The following CNBD1 variants were observed in gnomAD, a reference collection of about 807,000 sequenced individuals.
CNBD1 encodes the protein cyclic nucleotide binding domain containing 1, also known as cyclic nucleotide-binding domain-containing protein 1.
CNBD1 carries 71 observed loss-of-function variants against 54.4 expected under a neutral mutation model. The ratio of observed to expected loss-of-function variants is 1.30; its 90% confidence interval spans 1.08 to 1.59. CNBD1 has a LOEUF of 1.59. Among genes scored for constraint, CNBD1 ranks in the 40% most tolerant of loss-of-function variants. CNBD1 has a pLI of 0.00. For synonymous variants in CNBD1, 182 were observed against 170.7 expected (o/e 1.07, Z -0.51); for missense variants, 659 against 518.0 (o/e 1.27, Z -2.64).
intron 3 of CNBD1, among the ~76,000 whole-genome samples, chr8:86,914,980 A>G (rs1413330527): frequency 1.3e-5 from 2 of 152,218 alleles, no homozygotes; most frequent in Non-Finnish European, 2.9e-5. Flanking sequence ...TTATCAAGGC[A>G]GGGAAATTGC....
At chr8:87,316,994 G>C (rs1215628330) in intron 8 of CNBD1, among the ~76,000 whole-genome samples, 1 of 151,744 alleles carries the variant, frequency 6.6e-6, no homozygotes, top group Non-Finnish European at 1.5e-5. Context: ...TGAGGCCTTA[G>C]ATGAATTACA....
chr8:87,219,443 C>A (rs1268614073), intron 5 of CNBD1, among the ~76,000 whole-genome samples: 1 of 151,880 alleles, frequency 6.6e-6, no homozygotes, highest in Non-Finnish European at 1.5e-5. Flanking sequence ...TACTTAAATA[C>A]CCTTCAAGAC....
At chr8:87,345,862 GAAGTT>G (rs1280642413) in intron 8 of CNBD1, among the ~76,000 whole-genome samples, 2 of 151,936 alleles carry the variant, frequency 1.3e-5, no homozygotes, top group South Asian at 4.1e-4. Context: ...AAAATAAAAA[GAAGTT>G]AAGGAGTATT....
Position 87,237,016 on chromosome 8 carries a change from C to G in CNBD1, c.675C>G (p.Asp225Glu). 6.2e-7 allele frequency: 1 copy of G among 1,611,894 alleles called. No individual in the cohort carries two copies. The highest frequency in any genetic ancestry group is 8.5e-7 in the Non-Finnish European group (1 of 1,178,334). ...TGATTGAAGGAAGTGATTCACCAGACTCGTTCATATCTCAGAGTTTCCACA... is the reference window on the plus strand; with the variant it reads ...TGATTGAAGGAAGTGATTCACCAGAGTCGTTCATATCTCAGAGTTTCCACA... ...KNLIEGSDSP[D>E]SFISQSFHSF... Residue 225 changes from aspartate (D) to glutamate (E), a missense_variant, in exon 6 of 11, where the codon GAC becomes GAG. Coordinates refer to ENST00000518476, the MANE Select transcript of CNBD1 (RefSeq NM_173538.3).
intron 4 of CNBD1, among the ~76,000 whole-genome samples, chr8:87,072,450 T>G (rs144710365): frequency 3.9e-5 from 6 of 152,336 alleles, no homozygotes; most frequent in Admixed American, 1.3e-4. Flanking sequence ...GATAACAGTT[T>G]TTCCTTTCCA....
intron 4 of CNBD1, among the ~76,000 whole-genome samples, chr8:87,201,769 A>G (rs1215015159): frequency 6.6e-6 from 1 of 152,098 alleles, no homozygotes; most frequent in Non-Finnish European, 1.5e-5. Context: ...AAAAAAAATT[A>G]TTTATTTTTT....
chr8:86,972,100 C>T (rs914028443), intron 4 of CNBD1, among the ~76,000 whole-genome samples: 8 of 151,862 alleles, frequency 5.3e-5, no homozygotes, highest in South Asian at 2.1e-4. Context: ...TACAGGTGCC[C>T]GCCACCATGC....
intron 2 of CNBD1, among the ~76,000 whole-genome samples, chr8:87,415,675 C>A (rs1022739049): frequency 1.3e-5 from 2 of 151,850 alleles, no homozygotes; most frequent in Admixed American, 6.6e-5. Context: ...TTCAAGACAG[C>A]ATTAATGAGC....
chr8:87,118,378 G>A (rs1811821002), intron 4 of CNBD1, among the ~76,000 whole-genome samples: 1 of 150,752 alleles, frequency 6.6e-6, no homozygotes, highest in African/African-American at 2.4e-5. Flanking sequence ...CGCTGGTATT[G>A]TAGGTGGAGG....
chr8:87,393,786 C>T (rs1281525373), intron 2 of CNBD1, among the ~76,000 whole-genome samples: 1 of 151,820 alleles, frequency 6.6e-6, no homozygotes, highest in Admixed American at 6.6e-5. Flanking sequence ...TGAAATGAGA[C>T]TTCTTCTAGG....
chr8:87,302,258 A>G (rs1297636850), intron 8 of CNBD1, among the ~76,000 whole-genome samples: 1 of 152,202 alleles, frequency 6.6e-6, no homozygotes, highest in Non-Finnish European at 1.5e-5. Flanking sequence ...TGGCAAACTG[A>G]ATCCAGCAGC....
chr8:87,380,518 A>G (rs751434386), intron 10 of CNBD1, among the ~76,000 whole-genome samples: 1 of 151,932 alleles, frequency 6.6e-6, no homozygotes, highest in African/African-American at 2.4e-5. Context: ...ATGGTTCCAT[A>G]TGAAATAAAA....
intron 3 of CNBD1, among the ~76,000 whole-genome samples, chr8:86,922,326 A>G (rs958829933): frequency 6.6e-6 from 1 of 152,092 alleles, no homozygotes; most frequent in African/African-American, 2.4e-5. Flanking sequence ...GAAGAAAGGA[A>G]GAGAAAGAGA....
chr8:87,060,617 C>T (rs528985166), intron 4 of CNBD1, among the ~76,000 whole-genome samples: 1 of 152,100 alleles, frequency 6.6e-6, no homozygotes, highest in African/African-American at 2.4e-5. Flanking sequence ...CACAGGAAAG[C>T]TAAAATAAAG....
At chr8:87,207,097 G>A (rs1198997441) in intron 5 of CNBD1, among the ~76,000 whole-genome samples, 1 of 151,982 alleles carries the variant, frequency 6.6e-6, no homozygotes, top group Non-Finnish European at 1.5e-5. Context: ...ATCAAGCAAT[G>A]AAAAATAAAT....
chr8:87,407,188 C>T (rs1807666279), intron 2 of CNBD1, among the ~76,000 whole-genome samples: 1 of 152,038 alleles, frequency 6.6e-6, no homozygotes, highest in African/African-American at 2.4e-5. Context: ...TCTGTATCTT[C>T]AAAGTTAATC....
chr8:87,234,500 GA>G (rs1210407888), intron 5 of CNBD1, among the ~76,000 whole-genome samples: 1 of 152,206 alleles, frequency 6.6e-6, no homozygotes, highest in Admixed American at 6.5e-5. Flanking sequence ...AATTCCGTCA[GA>G]GTTCTTGGGT....
At position 87,332,245 on chromosome 8, in the gene CNBD1, G is replaced by A. The variant is rs184703014; in HGVS notation, c.1043-19440G>A. On this transcript the variant is annotated intron_variant, in intron 8 of 10. Transcript: ENST00000518476. ...CACCTGTAATTCCAGTTATTCTGGA[G>A]GCTGAGTCAGGAGAATCGCTTGAAC... Among the ~76,000 whole-genome samples, 480 of 152,218 alleles carry A rather than the reference G, an allele frequency of 3.2e-3. 2 individuals carry two copies. Among genetic ancestry groups the A allele is most frequent in the African/African-American group, 0.011 (453 of 41,524 alleles).
chr8:87,239,079 G>C (rs1389104715), intron 6 of CNBD1, among the ~76,000 whole-genome samples: 1 of 152,112 alleles, frequency 6.6e-6, no homozygotes, highest in Non-Finnish European at 1.5e-5. Flanking sequence ...TGATGGATTT[G>C]TATTGCTAGC....
Sources: gnomAD v4.1 joint callset for allele counts (sites outside exome capture counted in the v4.1 genomes callset) on GRCh38, gnomAD v4.1.1 for gene constraint, MANE v1.5 for transcripts, NCBI Gene and HGNC (gene_info 2026-07-23, HGNC 2026-07-21) for gene names.